GAS2: variants seen among roughly 807,000 people sequenced by gnomAD.
GAS2 encodes the protein growth arrest specific 2.
In GAS2, 20 loss-of-function variants were observed where a neutral mutation model predicts 37.5. That is an observed-to-expected ratio of 0.53 (90% CI 0.37 to 0.77). The LOEUF is 0.77. GAS2 is among the 30% of genes least tolerant of loss of function. The pLI, the probability that GAS2 is intolerant of heterozygous loss-of-function variation, is 0.00. For missense variants in GAS2, 336 were observed against 373.4 expected (o/e 0.90, Z 0.82); for synonymous variants, 144 against 132.2 (o/e 1.09, Z -0.61).
chr11:22,799,765 AGTAAGTATTAGT>A, intron 7 of GAS2, among the ~76,000 whole-genome samples: 1 of 152,206 alleles, frequency 6.6e-6, no homozygotes, highest in East Asian at 1.9e-4. Context: ...ATGGGGCATT[AGTAAGTATTAGT>A]TTTGTTCATC....
At chr11:22,698,968 A>G (rs1486260974) in intron 3 of GAS2, among the ~76,000 whole-genome samples, 2 of 152,130 alleles carry the variant, frequency 1.3e-5, no homozygotes, top group African/African-American at 4.8e-5. Context: ...TTAATTCCAT[A>G]TCTTATTTTG....
At chr11:22,789,710 C>T (rs1856048091) in intron 7 of GAS2, among the ~76,000 whole-genome samples, 1 of 151,470 alleles carries the variant, frequency 6.6e-6, no homozygotes, top group African/African-American at 2.4e-5. Context: ...CATGATCCGC[C>T]CGCCTTGGCC....
chr11:22,749,288 C>G (rs1183484124), intron 6 of GAS2, 27 bp downstream of exon 6: 1 of 1,601,678 alleles, frequency 6.2e-7, no homozygotes, highest in African/African-American at 1.3e-5. Flanking sequence ...AGACTTCTTA[C>G]CAACGGTTAG....
At chr11:22,704,980 ATTTAC>A (rs1404637728) in intron 3 of GAS2, among the ~76,000 whole-genome samples, 1 of 152,134 alleles carries the variant, frequency 6.6e-6, no homozygotes, top group Non-Finnish European at 1.5e-5. Flanking sequence ...TTTACTAAGT[ATTTAC>A]TTCGTGTCAT....
At chr11:22,770,800 C>A (rs543464546) in intron 7 of GAS2, among the ~76,000 whole-genome samples, 1 of 152,242 alleles carries the variant, frequency 6.6e-6, no homozygotes, top group East Asian at 1.9e-4. Flanking sequence ...TTCTCATTGT[C>A]GTTCAAAAAG....
At chr11:22,732,762 C>T (rs750600742) in intron 4 of GAS2, among the ~76,000 whole-genome samples, 56 of 133,054 alleles carry the variant, frequency 4.2e-4, no homozygotes, top group Non-Finnish European at 7.8e-4. Context: ...CATTATTTCC[C>T]CTCCATTTAT....
At chr11:22,695,074 C>A (rs1197774205) in intron 3 of GAS2, among the ~76,000 whole-genome samples, 1 of 152,040 alleles carries the variant, frequency 6.6e-6, no homozygotes, top group Admixed American at 6.6e-5. Context: ...ATTCCCAATA[C>A]TTCGGGAGGC....
At chr11:22,651,091 G>A (rs1848769775) in intron 1 of GAS2, among the ~76,000 whole-genome samples, 1 of 152,072 alleles carries the variant, frequency 6.6e-6, no homozygotes, top group African/African-American at 2.4e-5. Flanking sequence ...ACTTCCTTCA[G>A]GAGCTCTTTT....
chr11:22,691,020 C>G (rs1590643282), intron 3 of GAS2, among the ~76,000 whole-genome samples: 1 of 152,012 alleles, frequency 6.6e-6, no homozygotes, highest in Non-Finnish European at 1.5e-5. Context: ...TATTTTGAGT[C>G]TCTTCTTCAG....
chr11:22,696,486 T>C (rs1454386862), intron 3 of GAS2, among the ~76,000 whole-genome samples: 1 of 152,020 alleles, frequency 6.6e-6, no homozygotes, highest in Non-Finnish European at 1.5e-5. Flanking sequence ...TCAAATGGTA[T>C]TTCTAGTTCT....
chr11:22,686,393 T>C (rs898993119), intron 3 of GAS2, among the ~76,000 whole-genome samples: 1 of 151,500 alleles, frequency 6.6e-6, no homozygotes, highest in African/African-American at 2.4e-5. Flanking sequence ...TAATTTTTAA[T>C]AGAGAATGAA....
intron 1 of GAS2, chr11:22,668,431 A>G (rs1188247270): frequency 1.3e-5 from 2 of 152,264 alleles, no homozygotes; most frequent in Non-Finnish European, 2.9e-5. Flanking sequence ...TTACATGGAA[A>G]AGGTAGCTTG....
intron 7 of GAS2, among the ~76,000 whole-genome samples, chr11:22,758,014 C>G (rs1005898309): frequency 6.6e-6 from 1 of 152,070 alleles, no homozygotes; most frequent in Non-Finnish European, 1.5e-5. Flanking sequence ...AAACATGTCT[C>G]CTTGATGTGC....
intron 4 of GAS2, among the ~76,000 whole-genome samples, chr11:22,732,775 TCATCATC>T: frequency 9.6e-6 from 1 of 104,494 alleles, no homozygotes; most frequent in Admixed American, 9.9e-5. Context: ...CCATTTATCA[TCATCATC>T]ATCATCATCA....
At chr11:22,685,486 A>T (rs1849896844) in intron 2 of GAS2, among the ~76,000 whole-genome samples, 182 bp from the exon 3 acceptor site, 1 of 152,208 alleles carries the variant, frequency 6.6e-6, no homozygotes, top group Non-Finnish European at 1.5e-5. Flanking sequence ...AAATGTTGAG[A>T]TTCTTGCAAC....
chr11:22,724,024 T>A (rs957413015), intron 3 of GAS2, among the ~76,000 whole-genome samples: 1 of 151,962 alleles, frequency 6.6e-6, no homozygotes, highest in Non-Finnish European at 1.5e-5. Context: ...GGGCAATTAC[T>A]ATCAATTTAT....
rs748890654 is a variant in GAS2 at position 22,749,144 on chromosome 11, G to A, written c.498G>A (p.Leu166=). The A allele has an allele frequency of 3.1e-6, 5 of 1,612,378 alleles. No homozygotes were observed. In the East Asian group the frequency reaches 1.1e-4, roughly 36 times the overall value. The part of the protein sequence containing the change: ...AARYGVEPPG[L]IKLEKEIEQE... ...GGTATGGTGTGGAGCCTCCTGGTTT[G>A]ATAAAGCTGGAAAAAGAGATTGAAC... Residue 166 remains leucine (L), a synonymous_variant, in exon 6 of 8, where the codon TTG becomes TTA. Transcript: ENST00000454584.
chr11:22,770,748 T>C (rs1280074538), intron 7 of GAS2, among the ~76,000 whole-genome samples: 2 of 152,254 alleles, frequency 1.3e-5, no homozygotes, highest in Non-Finnish European at 2.9e-5. Flanking sequence ...TGTGGATTAC[T>C]ATGCAATGAA....
At chr11:22,643,880 G>A (rs894426735) in intron 1 of GAS2, among the ~76,000 whole-genome samples, 4 of 152,032 alleles carry the variant, frequency 2.6e-5, no homozygotes, top group Non-Finnish European at 1.5e-5. Context: ...AACTGTTTAA[G>A]TGTCTGTTGT....
Sources: allele counts gnomAD v4.1 joint callset (sites outside exome capture counted in the v4.1 genomes callset), GRCh38; gene constraint gnomAD v4.1.1; transcripts MANE v1.5; gene names NCBI Gene and HGNC (gene_info 2026-07-23, HGNC 2026-07-21).